ITSN2: variants seen among roughly 807,000 people sequenced by gnomAD.
The protein encoded by ITSN2 is intersectin-2.
Under a neutral mutation model 243.7 loss-of-function variants are expected in ITSN2, and 156 were observed. That is an observed-to-expected ratio of 0.64 (90% confidence interval 0.56 to 0.73). The LOEUF (loss-of-function observed/expected upper bound fraction) is 0.73, where lower values mean the gene tolerates loss of function less well. Among genes scored for constraint, ITSN2 ranks in the 30% least tolerant of loss-of-function variants. The pLI is 0.00. For synonymous variants in ITSN2, 703 were observed against 699.9 expected (o/e 1.00, Z -0.07); for missense variants, 1,801 against 1,996.1 (o/e 0.90, Z 1.86).
intron 37 of ITSN2, among the ~76,000 whole-genome samples, chr2:24,207,503 T>A (rs1031712547): frequency 1.3e-5 from 2 of 151,058 alleles, no homozygotes; most frequent in African/African-American, 4.9e-5. Flanking sequence ...CTTGGGAGAG[T>A]GTGGCTAGCC....
chr2:24,263,685 T>C (rs1049782326), intron 20 of ITSN2, among the ~76,000 whole-genome samples: 7 of 152,242 alleles, frequency 4.6e-5, no homozygotes, highest in Admixed American at 1.3e-4. Context: ...ACTATATGTA[T>C]CCTTTTTGTC....
chr2:24,345,140 AG>A (rs1687404928), intron 1 of ITSN2, among the ~76,000 whole-genome samples: 1 of 152,198 alleles, frequency 6.6e-6, no homozygotes, highest in South Asian at 2.1e-4. Context: ...TTCTCAATAT[AG>A]AACTAGCCAC....
chr2:24,318,768 G>A (rs1684216471), intron 2 of ITSN2, among the ~76,000 whole-genome samples: 1 of 152,148 alleles, frequency 6.6e-6, no homozygotes, highest in Non-Finnish European at 1.5e-5. Context: ...CTCCAGCTGG[G>A]CCACTGAGGT....
intron 24 of ITSN2, 58 bp downstream of exon 24, chr2:24,254,309 G>A (rs1330924404): frequency 1.9e-6 from 2 of 1,068,688 alleles, no homozygotes; most frequent in South Asian, 2.5e-5. Flanking sequence ...GTGAAGTCAG[G>A]TAGTTAGTCA....
At chr2:24,236,088 G>A (rs1320895292) in intron 29 of ITSN2, among the ~76,000 whole-genome samples, 10 of 135,362 alleles carry the variant, frequency 7.4e-5, no homozygotes, top group Non-Finnish European at 1.6e-4. Flanking sequence ...CCAAATGGTT[G>A]AAACAACCCA....
chr2:24,331,068 CTTTT>C (rs1182993261), intron 1 of ITSN2, among the ~76,000 whole-genome samples: 5 of 111,768 alleles, frequency 4.5e-5, no homozygotes, highest in African/African-American at 1.4e-4. Context: ...CACCCGGCCA[CTTTT>C]TTTTTTTTTT....
chr2:24,212,325 A>T (rs1427626575), intron 33 of ITSN2, among the ~76,000 whole-genome samples: 2 of 152,162 alleles, frequency 1.3e-5, no homozygotes, highest in Admixed American at 6.5e-5. Flanking sequence ...TGGGCTCCAC[A>T]ACTGGAGACC....
At chr2:24,271,677 T>C in intron 19 of ITSN2, 89 bp downstream of exon 19, 2 of 1,405,250 alleles carry the variant, frequency 1.4e-6, no homozygotes, top group Non-Finnish European at 9.3e-7. Flanking sequence ...TTAGTATCTT[T>C]CTAATTTTCT....
At chr2:24,361,139 G>T (rs549999510), upstream of ITSN2, among the ~76,000 whole-genome samples, 19 of 152,240 alleles carry the variant, frequency 1.2e-4, no homozygotes, top group South Asian at 2.1e-3. Flanking sequence ...GAGCGCCCAC[G>T]AGGAGCACCC....
In ITSN2 at chr2:24,225,354, G is replaced by A. The variant is rs995434015; in HGVS notation, c.3578-4288C>T. Among the ~76,000 whole-genome samples, 1 of 152,150 alleles carries A rather than the reference G, an allele frequency of 6.6e-6. No homozygotes were observed. The highest frequency in any genetic ancestry group is 6.5e-5 in the Admixed American group (1 of 15,274). On this transcript the variant is annotated intron_variant, in intron 29 of 39. Transcript: ENST00000355123. The surrounding 1 kb of genome is among the most constrained non-coding windows in gnomAD (Gnocchi z 4.2). ...GGGTTTACACCCATGGCCAACTCTC[G>A]CTAGCTTTCCCTGTCACATCTCCAC...
At chr2:24,208,456 A>C in intron 36 of ITSN2, 137 bp from the exon 37 acceptor site, 1 of 672,048 alleles carries the variant, frequency 1.5e-6, no homozygotes, top group Non-Finnish European at 2.6e-6. Context: ...ACCTGATATT[A>C]GTCAACTGAA....
intron 17 of ITSN2, among the ~76,000 whole-genome samples, chr2:24,277,899 T>C (rs943028983): frequency 2.0e-5 from 3 of 152,182 alleles, no homozygotes; most frequent in Admixed American, 1.3e-4. Flanking sequence ...TACAAATTTG[T>C]GTAGGGCTGC....
intron 13 of ITSN2, among the ~76,000 whole-genome samples, chr2:24,297,224 C>A (rs1313296276): frequency 1.3e-5 from 2 of 151,980 alleles, no homozygotes; most frequent in Admixed American, 1.3e-4. Flanking sequence ...AGTCATCAAC[C>A]AAATAAAATG....
chr2:24,288,920 GT>G (rs1189458466), intron 15 of ITSN2, among the ~76,000 whole-genome samples: 1 of 152,078 alleles, frequency 6.6e-6, no homozygotes, highest in African/African-American at 2.4e-5. Flanking sequence ...TACCGTATTT[GT>G]CTTTCTGCGC....
At chr2:24,328,935 T>C (rs1285001353) in intron 1 of ITSN2, among the ~76,000 whole-genome samples, 1 of 152,248 alleles carries the variant, frequency 6.6e-6, no homozygotes, top group Non-Finnish European at 1.5e-5. Flanking sequence ...GCAAGCACTC[T>C]AAGAGAAGGG....
At chr2:24,214,526 A>C (rs549091319) in intron 32 of ITSN2, 139 of 152,258 alleles carry the variant, frequency 9.1e-4, no homozygotes, top group African/African-American at 3.3e-3. Flanking sequence ...TTCAAGTTTT[A>C]ATAGAAAATT....
intron 23 of ITSN2, among the ~76,000 whole-genome samples, chr2:24,255,112 C>G (rs1674841965): frequency 6.6e-6 from 1 of 152,160 alleles, no homozygotes. Context: ...AAGTTATATG[C>G]CTTATCTGTT....
At chr2:24,352,281 G>A (rs954981376) in intron 1 of ITSN2, among the ~76,000 whole-genome samples, 16 of 152,118 alleles carry the variant, frequency 1.1e-4, no homozygotes, top group African/African-American at 3.9e-4. Flanking sequence ...CATAGAAGGT[G>A]TCCATAAATT....
Position 24,315,179 on chromosome 2 carries a change from T to A in ITSN2, c.77A>T (p.His26Leu). Reference sequence around the variant, plus strand: ...TTTGAGGTTATCAAACTGCCTGTCATGCTTAGTACGTTCTTCAGAGGTAAT... The same window carrying A: ...TTTGAGGTTATCAAACTGCCTGTCAAGCTTAGTACGTTCTTCAGAGGTAAT... Reference protein sequence around the residue: ...WAITSEERTKHDRQFDNLKPS... With the variant: ...WAITSEERTKLDRQFDNLKPS... Residue 26 changes from histidine (H) to leucine (L), a missense_variant, in exon 3 of 40, where the codon CAT becomes CTT. Physicochemically the swap from His to Leu is moderately conservative, Grantham distance 99 (BLOSUM62 -3). This residue lies in a region of ITSN2 where 77 missense variants were observed against 90.1 expected (regional missense o/e 0.85). Transcript: ENST00000355123. 1 of 1,612,882 alleles carries A rather than the reference T, an allele frequency of 6.2e-7. No individual in the cohort carries two copies. Among genetic ancestry groups the A allele is most frequent in the Non-Finnish European group, 8.5e-7 (1 of 1,179,152 alleles).
Sources: allele counts gnomAD v4.1 joint callset (sites outside exome capture counted in the v4.1 genomes callset), GRCh38; gene constraint gnomAD v4.1.1; regional missense constraint gnomAD v4.1.1; non-coding constraint Gnocchi (gnomAD v3.1); transcripts MANE v1.5; gene names NCBI Gene and HGNC (gene_info 2026-07-23, HGNC 2026-07-21).